DNAH8: variants seen among roughly 807,000 people sequenced by gnomAD.
DNAH8 encodes axonemal beta dynein heavy chain 8.
In DNAH8, 382 loss-of-function variants were observed where a neutral mutation model predicts 562.1. The ratio of observed to expected loss-of-function variants is 0.68; its 90% CI spans 0.63 to 0.74. The LOEUF is 0.74. DNAH8 is among the 30% of genes least tolerant of loss of function. The pLI, the probability that DNAH8 is intolerant of heterozygous loss-of-function variation, is 0.00. For synonymous variants in DNAH8, 1,881 were observed against 1,919.4 expected (o/e 0.98, Z 0.52); for missense variants, 5,203 against 5,620.4 (o/e 0.93, Z 2.37).
intron 64 of DNAH8, among the ~76,000 whole-genome samples, chr6:38,908,874 G>A (rs1780676085): frequency 6.6e-6 from 1 of 152,112 alleles, no homozygotes; most frequent in Admixed American, 6.6e-5. Flanking sequence ...CTGGTGCTTA[G>A]TAGTCATGTG....
intron 82 of DNAH8, 54 bp downstream of exon 82, chr6:38,951,574 A>T (rs1761911296): frequency 6.6e-7 from 1 of 1,519,986 alleles, no homozygotes; most frequent in Non-Finnish European, 9.0e-7. Context: ...TTTTGCCCCA[A>T]ATTTTGCCTT....
At position 38,791,788 on chromosome 6, in the gene DNAH8, T is replaced by G. The variant is rs981476622; in HGVS notation, c.2901+114T>G. The stretch of plus-strand genomic sequence containing the variant: ...GTCAGTAGCATTTAGACTTTTTTTT[T>G]TTGTTTTTTGTGAACATTCTCTGCT... On this transcript the variant is annotated intron_variant, in intron 21 of 92. Coordinates refer to ENST00000327475, the MANE Select transcript of DNAH8 (RefSeq NM_001206927.2). The G allele has an allele frequency of 3.3e-5, 37 of 1,112,886 alleles. 1 individual carries two copies. In the South Asian group the frequency reaches 3.7e-4, roughly 11 times the overall value. 68.9% of individuals were successfully genotyped at this position (1,112,886 alleles called of 1,614,324 possible).
At chr6:38,855,811 C>T (rs1776150648) in intron 41 of DNAH8, among the ~76,000 whole-genome samples, 1 of 152,238 alleles carries the variant, frequency 6.6e-6, no homozygotes, top group South Asian at 2.1e-4. Context: ...AGGAGGTAAG[C>T]GGCGGGCAAG....
intron 12 of DNAH8, 50 bp from the exon 13 acceptor site, chr6:38,775,704 G>T: frequency 5.2e-6 from 6 of 1,143,492 alleles, no homozygotes; most frequent in Non-Finnish European, 7.6e-6. Context: ...TTTTAGGGAA[G>T]TTGCCTGCTA....
At chr6:38,779,577 G>A (rs532152461) in intron 14 of DNAH8, among the ~76,000 whole-genome samples, 10 of 152,274 alleles carry the variant, frequency 6.6e-5, no homozygotes, top group African/African-American at 2.4e-4. Flanking sequence ...ATTAACACTG[G>A]CAGAGGGAGA....
intron 10 of DNAH8, among the ~76,000 whole-genome samples, chr6:38,759,742 TTG>T (rs1326157333): frequency 1.3e-5 from 2 of 152,098 alleles, no homozygotes; most frequent in Non-Finnish European, 2.9e-5. Flanking sequence ...CCCCCAGGTG[TTG>T]TCTGATCACT....
chr6:38,937,354 T>TA (rs11338690), intron 77 of DNAH8, among the ~76,000 whole-genome samples: 49 of 148,730 alleles, frequency 3.3e-4, no homozygotes, highest in East Asian at 9.8e-4. Flanking sequence ...TAAAGTATAA[T>TA]AAAAAAAAAA....
At chr6:38,816,911 C>T (rs1247035244) in intron 26 of DNAH8, among the ~76,000 whole-genome samples, 1 of 152,128 alleles carries the variant, frequency 6.6e-6, no homozygotes, top group African/African-American at 2.4e-5. Context: ...TATTCATGTC[C>T]TTTGTCCATT....
chr6:38,831,484 A>C (rs949069614), intron 30 of DNAH8, among the ~76,000 whole-genome samples: 4 of 151,748 alleles, frequency 2.6e-5, no homozygotes, highest in Non-Finnish European at 5.9e-5. Context: ...TTGTTCCTCT[A>C]TCTCTTTAAT....
chr6:38,998,887 G>A (rs1399947340), intron 88 of DNAH8, among the ~76,000 whole-genome samples: 1 of 152,188 alleles, frequency 6.6e-6, no homozygotes, highest in African/African-American at 2.4e-5. Flanking sequence ...TCTCCTGAAA[G>A]CCCTTGGGCT....
chr6:38,805,510 GA>G lies in DNAH8; in HGVS notation c.3067del (p.Thr1023GlnfsTer14). On this transcript the variant is annotated frameshift_variant, in exon 23 of 93. Transcript: ENST00000327475. LOFTEE classifies it high-confidence loss of function. ...EQRKHVVFGSETGEGENNDYE... is the reference protein window; with the variant it reads ...EQRKHVVFGSXTGEGENNDYE... ...GCGGAAACACGTTGTTTTTGGAAGT[GA>G]AACAGGAGAGGGTGAAAACAATGAC... The G allele has an allele frequency of 6.2e-7, 1 of 1,610,218 alleles. No homozygotes were observed.
At chr6:38,732,774 G>A (rs988839750) in intron 4 of DNAH8, among the ~76,000 whole-genome samples, 2 of 152,114 alleles carry the variant, frequency 1.3e-5, no homozygotes, top group Non-Finnish European at 2.9e-5. Flanking sequence ...CAGAGCCCTG[G>A]CACTCGTATC....
rs1323831034 is a variant in DNAH8 at position 38,845,536 on chromosome 6, G to GA, written c.4846-34dup. ...TTGATGATGCACTTAATTTGTAGTTGAAAACATCATGACATATACTTTGCT... is the reference window on the plus strand; with the variant it reads ...TTGATGATGCACTTAATTTGTAGTTGAAAAACATCATGACATATACTTTGCT... On this transcript the variant is annotated intron_variant, in intron 35 of 92. Transcript: ENST00000327475. 2.6e-6 allele frequency: 4 copies of GA among 1,545,648 alleles called. No individual in the cohort carries two copies. The South Asian group carries it at 4.6e-5, about 18-fold the overall frequency.
intron 1 of DNAH8, among the ~76,000 whole-genome samples, chr6:38,716,161 C>T (rs1284515434): frequency 2.7e-5 from 4 of 150,334 alleles, no homozygotes; most frequent in Non-Finnish European, 5.9e-5. Context: ...CGGGGTTTCA[C>T]AGTGTTAGCC....
At chr6:38,938,748 T>A (rs753052521) in intron 78 of DNAH8, 50 bp from the exon 79 acceptor site, 19 of 1,416,694 alleles carry the variant, frequency 1.3e-5, no homozygotes, top group Non-Finnish European at 1.6e-5. Context: ...GAAAGTTTTT[T>A]AAAAAAAGAA....
chr6:38,905,457 T>G (rs930899873), intron 62 of DNAH8, among the ~76,000 whole-genome samples: 1 of 152,218 alleles, frequency 6.6e-6, no homozygotes, highest in African/African-American at 2.4e-5. Context: ...TTTCTGTGGG[T>G]TTTCTTTGTA....
intron 91 of DNAH8, among the ~76,000 whole-genome samples, chr6:39,014,846 A>T (rs1766462114): frequency 6.6e-6 from 1 of 152,130 alleles, no homozygotes. Flanking sequence ...GGGGCTGTAT[A>T]TCAGAAGGTA....
chr6:38,958,300 C>T (rs527651503), intron 82 of DNAH8, among the ~76,000 whole-genome samples: 172 of 151,506 alleles, frequency 1.1e-3, no homozygotes, highest in African/African-American at 3.0e-3. Flanking sequence ...CCACCGCGCC[C>T]GGCCGATAGA....
rs995806421 is a variant in DNAH8 at position 38,742,247 on chromosome 6, C to G, written c.1293+360C>G. ...GTACATCTCATCCCCATGATTCTAC[C>G]TCCTTTCCTAGAGGTCATCTTTATT... On this transcript the variant is annotated intron_variant, in intron 8 of 92. Transcript: ENST00000327475. Among the ~76,000 whole-genome samples, 9 of 152,128 alleles carry G rather than the reference C, an allele frequency of 5.9e-5. No individual in the cohort carries two copies. In the South Asian group the frequency reaches 1.2e-3, roughly 21 times the overall value.
Sources: allele counts gnomAD v4.1 joint callset (sites outside exome capture counted in the v4.1 genomes callset), GRCh38; gene constraint gnomAD v4.1.1; transcripts MANE v1.5; gene names NCBI Gene and HGNC (gene_info 2026-07-23, HGNC 2026-07-21).